The following CNTNAP5 variants were observed in gnomAD, a reference collection of about 807,000 sequenced individuals.
CNTNAP5 encodes the protein contactin associated protein family member 5, also known as contactin-associated protein-like 5.
CNTNAP5 carries 72 observed loss-of-function variants against 150.2 expected under a neutral mutation model. The observed-to-expected ratio is 0.48, with a 90% CI of 0.40 to 0.58. The LOEUF (loss-of-function observed/expected upper bound fraction) is 0.58, where lower values mean the gene tolerates loss of function less well. Ranked by LOEUF, CNTNAP5 falls within the 20% of genes least tolerant of loss-of-function variation. The probability of loss-of-function intolerance (pLI) is 0.00; values close to 1 mark genes in which losing one functional copy is unlikely to be tolerated. For missense variants in CNTNAP5, 1,636 were observed against 1,626.2 expected, an observed-to-expected ratio of 1.01 and a Z score of -0.10; for synonymous variants, 672 against 619.8, an observed-to-expected ratio of 1.08 and a Z score of -1.25.
rs532023493 is a variant in CNTNAP5 at position 124,914,868 on chromosome 2, C to G, written c.*580C>G. The G allele has an allele frequency of 6.6e-6, 1 of 152,064 alleles. No homozygotes were observed. The highest frequency in any genetic ancestry group is 2.1e-4 in the South Asian group (1 of 4,812). The allele number at this position is 152,064 out of a possible 1,614,324, so 9.4% of individuals were successfully genotyped here. A position where few individuals can be genotyped will look rare whatever the true frequency, so the allele number is the denominator to read the frequency against. ...AACTCATCACCCTTTTTCACTATGACCCTTAGACCCTGAGTATTTTCAAAT... is the reference window on the plus strand; with the variant it reads ...AACTCATCACCCTTTTTCACTATGAGCCTTAGACCCTGAGTATTTTCAAAT... On this transcript the variant is annotated 3_prime_UTR_variant, in exon 24 of 24. Transcript: ENST00000682447.
chr2:124,114,416 C>A (rs141826298), intron 1 of CNTNAP5, among the ~76,000 whole-genome samples: 3,853 of 151,864 alleles, frequency 0.025, 180 homozygotes, highest in African/African-American at 0.087. Flanking sequence ...AAAATAGGAT[C>A]TTCTAATTGT....
At chr2:124,445,870 G>A (rs1385972798) in intron 5 of CNTNAP5, among the ~76,000 whole-genome samples, 3 of 152,290 alleles carry the variant, frequency 2.0e-5, no homozygotes, top group East Asian at 3.9e-4. Flanking sequence ...TAAGGTTGAC[G>A]CAAGTTCCTC....
At chr2:124,759,738 G>T (rs1007311284) in intron 14 of CNTNAP5, among the ~76,000 whole-genome samples, 2 of 151,710 alleles carry the variant, frequency 1.3e-5, no homozygotes, top group African/African-American at 4.8e-5. Flanking sequence ...TTCACCCCTT[G>T]TTTCTTATGT....
At chr2:124,895,752 G>A (rs554686040) in intron 21 of CNTNAP5, among the ~76,000 whole-genome samples, 1 of 151,750 alleles carries the variant, frequency 6.6e-6, no homozygotes, top group South Asian at 2.1e-4. Flanking sequence ...ATGCAATTAT[G>A]AAGTTAGTGG....
chr2:124,200,373 C>A (rs13415020), intron 1 of CNTNAP5, among the ~76,000 whole-genome samples: 1 of 151,952 alleles, frequency 6.6e-6, no homozygotes, highest in African/African-American at 2.4e-5. Flanking sequence ...AGACACCACT[C>A]ATTGTTATGG....
intron 3 of CNTNAP5, among the ~76,000 whole-genome samples, chr2:124,392,487 A>G (rs1691139621): frequency 6.6e-6 from 1 of 152,270 alleles, no homozygotes; most frequent in African/African-American, 2.4e-5. Flanking sequence ...ACAGAGCTAT[A>G]ATGTATTGTG....
At chr2:124,505,444 A>G (rs1305138967) in intron 8 of CNTNAP5, among the ~76,000 whole-genome samples, 2 of 152,128 alleles carry the variant, frequency 1.3e-5, no homozygotes, top group African/African-American at 4.8e-5. Context: ...TAAATTTAAA[A>G]CCATTTAAAA....
At chr2:124,798,533 G>T (rs1392167560) in intron 19 of CNTNAP5, among the ~76,000 whole-genome samples, 2 of 152,188 alleles carry the variant, frequency 1.3e-5, no homozygotes. Flanking sequence ...AGTCTCAAAT[G>T]CATTGACTTT....
In CNTNAP5 at chr2:124,512,036, G is replaced by A. The variant is rs551348619; in HGVS notation, c.1327+7480G>A. Among the ~76,000 whole-genome samples, 10 of 151,654 alleles carry A rather than the reference G, an allele frequency of 6.6e-5. No homozygotes were observed. In the East Asian group the frequency reaches 2.0e-3, roughly 30 times the overall value. On this transcript the variant is annotated intron_variant, in intron 8 of 23. Coordinates refer to ENST00000682447, the MANE Select transcript of CNTNAP5 (RefSeq NM_001367498.1). Reference sequence around the variant, plus strand: ...TATATTAGGTCTTCAACCTATGTTAGTAGAGGAACAATATTGGTTGTAGGT... The same window carrying A: ...TATATTAGGTCTTCAACCTATGTTAATAGAGGAACAATATTGGTTGTAGGT...
At chr2:124,129,383 C>T (rs72978492) in intron 1 of CNTNAP5, among the ~76,000 whole-genome samples, 1 of 152,234 alleles carries the variant, frequency 6.6e-6, no homozygotes, top group African/African-American at 2.4e-5. Context: ...TATCTTTGCC[C>T]CACAGCCAGG....
At chr2:124,511,928 GTT>G (rs11301671) in intron 8 of CNTNAP5, among the ~76,000 whole-genome samples, 294 of 141,850 alleles carry the variant, frequency 2.1e-3, no homozygotes, top group African/African-American at 1.6e-3. Context: ...CCTGAATAGG[GTT>G]TTTTTTTTTT....
At chr2:124,833,968 A>T (rs72848759) in intron 19 of CNTNAP5, among the ~76,000 whole-genome samples, 4 of 152,158 alleles carry the variant, frequency 2.6e-5, no homozygotes, top group Admixed American at 2.6e-4. Context: ...TTACTCTGGC[A>T]TGCAGAAATG....
At chr2:124,346,506 C>T (rs1689739982) in intron 3 of CNTNAP5, among the ~76,000 whole-genome samples, 1 of 152,078 alleles carries the variant, frequency 6.6e-6, no homozygotes, top group African/African-American at 2.4e-5. Flanking sequence ...ATGCAGATGA[C>T]AATTTTAATA....
intron 2 of CNTNAP5, among the ~76,000 whole-genome samples, chr2:124,224,720 G>C (rs1686413963): frequency 6.6e-6 from 1 of 151,946 alleles, no homozygotes; most frequent in Admixed American, 6.6e-5. Context: ...GATATATTAA[G>C]ATAAAACTTG....
chr2:124,180,281 C>T (rs1478143122), intron 1 of CNTNAP5, among the ~76,000 whole-genome samples: 3 of 152,102 alleles, frequency 2.0e-5, no homozygotes, highest in East Asian at 1.9e-4. Context: ...ATATGATTCT[C>T]GAGAATCTAT....
At chr2:124,196,810 C>A (rs552910397) in intron 1 of CNTNAP5, among the ~76,000 whole-genome samples, 2 of 152,268 alleles carry the variant, frequency 1.3e-5, no homozygotes, top group South Asian at 4.1e-4. Flanking sequence ...TCAAAAGTCC[C>A]GTAACAGTCT....
At chr2:124,357,428 T>C (rs1378202418) in intron 3 of CNTNAP5, among the ~76,000 whole-genome samples, 1 of 151,994 alleles carries the variant, frequency 6.6e-6, no homozygotes. Context: ...TCTAGGGTTT[T>C]TATGGTTTTA....
chr2:124,317,603 A>G (rs573588144), intron 3 of CNTNAP5, among the ~76,000 whole-genome samples: 1 of 152,166 alleles, frequency 6.6e-6, no homozygotes, highest in East Asian at 1.9e-4. Context: ...TGGAGGGAAA[A>G]CAAATACACT....
chr2:124,517,714 G>T (rs1248747468), intron 8 of CNTNAP5, among the ~76,000 whole-genome samples: 1 of 145,516 alleles, frequency 6.9e-6, no homozygotes, highest in Non-Finnish European at 1.5e-5. Context: ...GTGGTGATGG[G>T]GGTTGTGGTG....
Sources: allele counts gnomAD v4.1 joint callset (sites outside exome capture counted in the v4.1 genomes callset), GRCh38; gene constraint gnomAD v4.1.1; transcripts MANE v1.5; gene names NCBI Gene and HGNC (gene_info 2026-07-23, HGNC 2026-07-21).